FNDC3A: variants seen among roughly 807,000 people sequenced by gnomAD.
FNDC3A encodes fibronectin type III domain containing 3A, also known as fibronectin type-III domain-containing protein 3A.
FNDC3A carries 32 observed loss-of-function variants against 148.9 expected under a neutral mutation model. That is an observed-to-expected ratio of 0.21 (90% CI 0.16 to 0.29). FNDC3A has a LOEUF of 0.29. FNDC3A is among the 10% of genes least tolerant of loss of function. FNDC3A has a pLI of 1.00. For missense variants in FNDC3A, 1,191 were observed against 1,452.8 expected (o/e 0.82, Z 2.93); for synonymous variants, 472 against 473.6 (o/e 1.00, Z 0.04).
At chr13:49,149,624 G>A (rs557711759) in intron 8 of FNDC3A, among the ~76,000 whole-genome samples, 11 of 152,188 alleles carry the variant, frequency 7.2e-5, no homozygotes, top group East Asian at 1.9e-4. Context: ...TTTCGTGTCC[G>A]TGTTTATCAA....
rs141095987 is a variant in FNDC3A at position 49,120,865 on chromosome 13, A to C, written c.252+6134A>C. Among the ~76,000 whole-genome samples, 336 of 152,296 alleles carry C rather than the reference A, an allele frequency of 2.2e-3. 1 individual carries two copies. The highest frequency in any genetic ancestry group is 3.9e-3 in the Non-Finnish European group (265 of 68,026). ...TAAAGCAAGTTCTTAGAGACCTACA[A>C]ACAGACTTAGACTCCCACACAATAA... is the stretch of plus-strand genomic sequence containing the variant. On this transcript the variant is annotated intron_variant, in intron 4 of 25. Coordinates refer to ENST00000492622, the MANE Select transcript of FNDC3A (RefSeq NM_001079673.2).
intron 7 of FNDC3A, 77 bp downstream of exon 7, chr13:49,138,882 TTTTTC>T: frequency 1.2e-6 from 1 of 817,036 alleles, no homozygotes; most frequent in South Asian, 2.1e-5. Flanking sequence ...AAATGTAGTT[TTTTTC>T]TTTTAACTTT....
chr13:49,034,525 A>G (rs749020503), intron 2 of FNDC3A, among the ~76,000 whole-genome samples: 1 of 152,018 alleles, frequency 6.6e-6, no homozygotes, highest in Non-Finnish European at 1.5e-5. Flanking sequence ...ACTTGATCCT[A>G]TTACGTTGTG....
At chr13:49,203,779 G>A (rs954970695) in intron 25 of FNDC3A, among the ~76,000 whole-genome samples, 7 of 152,252 alleles carry the variant, frequency 4.6e-5, no homozygotes, top group South Asian at 4.1e-4. Flanking sequence ...ATACGCTGAG[G>A]CAGGAACATG....
chr13:49,003,491 A>G (rs1307313813), intron 1 of FNDC3A, among the ~76,000 whole-genome samples: 1 of 152,214 alleles, frequency 6.6e-6, no homozygotes, highest in African/African-American at 2.4e-5. Context: ...TATATGTTGT[A>G]AATACCTTTT....
chr13:49,013,858 T>C (rs1005651012), intron 2 of FNDC3A, among the ~76,000 whole-genome samples: 1 of 151,432 alleles, frequency 6.6e-6, no homozygotes, highest in Non-Finnish European at 1.5e-5. Flanking sequence ...TTTGGTTTTT[T>C]GTTCTTGCAG....
At chr13:49,040,775 AATG>A (rs1241937963) in intron 2 of FNDC3A, among the ~76,000 whole-genome samples, 2 of 152,236 alleles carry the variant, frequency 1.3e-5, no homozygotes, top group East Asian at 3.8e-4. Flanking sequence ...TAGAGACATC[AATG>A]ATAAGAATCA....
intron 3 of FNDC3A, among the ~76,000 whole-genome samples, chr13:49,078,277 T>C (rs563222266): frequency 6.6e-6 from 1 of 152,300 alleles, no homozygotes; most frequent in South Asian, 2.1e-4. Flanking sequence ...TAAATTGATT[T>C]TATATGCGGC....
At chr13:49,040,119 C>CA (rs1389356843) in intron 2 of FNDC3A, among the ~76,000 whole-genome samples, 1 of 152,184 alleles carries the variant, frequency 6.6e-6, no homozygotes, top group East Asian at 1.9e-4. Flanking sequence ...TATTTGCAGT[C>CA]ATGATAAATT....
chr13:48,990,913 A>G (rs1396635019), intron 1 of FNDC3A, among the ~76,000 whole-genome samples: 2 of 151,994 alleles, frequency 1.3e-5, no homozygotes, highest in Non-Finnish European at 2.9e-5. Flanking sequence ...AATAAGTAAA[A>G]CATGTGTATT....
chr13:49,013,524 A>G (rs966746004), intron 2 of FNDC3A, among the ~76,000 whole-genome samples: 4 of 151,720 alleles, frequency 2.6e-5, no homozygotes, highest in Non-Finnish European at 5.9e-5. Context: ...GTACACGTGT[A>G]TACATGTATA....
chr13:49,175,637 C>A, intron 13 of FNDC3A, 96 bp downstream of exon 13: 1 of 709,770 alleles, frequency 1.4e-6, no homozygotes, highest in South Asian at 2.0e-5. Flanking sequence ...AATATACAAT[C>A]ATGTCATCTG....
At chr13:49,011,909 A>G (rs898962751) in intron 2 of FNDC3A, among the ~76,000 whole-genome samples, 2 of 152,216 alleles carry the variant, frequency 1.3e-5, no homozygotes, top group African/African-American at 4.8e-5. Context: ...TTTTATTCCA[A>G]AATCTACTGG....
chr13:49,029,873 T>C (rs753351182), intron 2 of FNDC3A, among the ~76,000 whole-genome samples: 1 of 151,910 alleles, frequency 6.6e-6, no homozygotes, highest in Non-Finnish European at 1.5e-5. Context: ...TAGACAAATA[T>C]CTAGAAAGAC....
intron 2 of FNDC3A, among the ~76,000 whole-genome samples, chr13:49,066,223 G>A (rs1877252052): frequency 6.6e-6 from 1 of 152,102 alleles, no homozygotes; most frequent in Non-Finnish European, 1.5e-5. Flanking sequence ...ATAGTCATTT[G>A]GAGCCAAGCA....
chr13:49,055,110 T>C lies in FNDC3A; in HGVS notation c.100-20179T>C, dbSNP rs191089066. 2.8e-3 allele frequency among the ~76,000 whole-genome samples: 426 copies of C among 152,192 alleles called. 3 individuals carry two copies. Among genetic ancestry groups the C allele is most frequent in the Admixed American group, 4.8e-3 (74 of 15,276 alleles). On this transcript the variant is annotated intron_variant, in intron 2 of 25. Transcript: ENST00000492622. ...TTGGGAAATTTGCTCTTCTTTTTTT[T>C]TTTCTTTTTTAGAGACAGGGTCTCA...
At chr13:49,203,491 T>C (rs1161101311) in intron 25 of FNDC3A, among the ~76,000 whole-genome samples, 1 of 152,240 alleles carries the variant, frequency 6.6e-6, no homozygotes, top group Non-Finnish European at 1.5e-5. Flanking sequence ...TAAGTATTCA[T>C]TGAATTCTGT....
chr13:49,062,046 T>C (rs1262792621), intron 2 of FNDC3A, among the ~76,000 whole-genome samples: 1 of 151,804 alleles, frequency 6.6e-6, no homozygotes, highest in Admixed American at 6.6e-5. Flanking sequence ...GTGTAAAGGA[T>C]TGCCAGGGAC....
chr13:49,144,703 TG>T (rs1882893281), intron 7 of FNDC3A, among the ~76,000 whole-genome samples: 1 of 152,184 alleles, frequency 6.6e-6, no homozygotes, highest in Non-Finnish European at 1.5e-5. Context: ...TGAAACCACA[TG>T]TTTTTTTCTG....
Sources: gnomAD v4.1 joint callset for allele counts (sites outside exome capture counted in the v4.1 genomes callset) on GRCh38, gnomAD v4.1.1 for gene constraint, MANE v1.5 for transcripts, NCBI Gene and HGNC (gene_info 2026-07-23, HGNC 2026-07-21) for gene names.